The following GABPA variants were observed in gnomAD, a reference collection of about 807,000 sequenced individuals.
GABPA encodes the protein GA-binding protein alpha chain.
Under a neutral mutation model 59.4 loss-of-function variants are expected in GABPA, and 4 were observed. The observed-to-expected ratio is 0.07, with a 90% confidence interval of 0.03 to 0.15. The LOEUF (loss-of-function observed/expected upper bound fraction) is 0.15. Among genes scored for constraint, GABPA ranks in the 10% least tolerant of loss-of-function variants. The probability of loss-of-function intolerance (pLI) is 1.00; values close to 1 mark genes in which losing one functional copy is unlikely to be tolerated. For synonymous variants in GABPA, 164 were observed against 183.1 expected (o/e 0.90, Z 0.84); for missense variants, 251 against 543.8 (o/e 0.46, Z 5.36).
At chr21:25,763,061 C>A in intron 7 of GABPA, 2 of 391,354 alleles carry the variant, frequency 5.1e-6, no homozygotes, top group Non-Finnish European at 9.9e-6. Flanking sequence ...ACTGTACTTG[C>A]TAGAAGTACA....
At chr21:25,745,408 A>AT (rs1342617750) in intron 3 of GABPA, 54 bp downstream of exon 3, 2 of 1,534,628 alleles carry the variant, frequency 1.3e-6, no homozygotes, top group Admixed American at 1.8e-5. Flanking sequence ...GCATAGGAAT[A>AT]TTTTTTGTTA....
chr21:25,738,157 T>C (rs926640046), intron 1 of GABPA, among the ~76,000 whole-genome samples: 4 of 152,344 alleles, frequency 2.6e-5, no homozygotes, highest in Admixed American at 6.5e-5. Flanking sequence ...TCTCCAGAGA[T>C]AGGGGAATCT....
rs376957538 is a variant in GABPA, at chr21:25,771,997, T to C, written c.*2765T>C. On this transcript the variant is annotated 3_prime_UTR_variant, in exon 10 of 10. Transcript: ENST00000400075. ...TTTTCTCCCCTGATTAATGGTGATATTCAAGTATGATACAAAAAGAATTGT... is the reference window on the plus strand; with the variant it reads ...TTTTCTCCCCTGATTAATGGTGATACTCAAGTATGATACAAAAAGAATTGT... The C allele has an allele frequency of 6.6e-6, 1 of 152,110 alleles. No individual in the cohort carries two copies. The allele number at this position is 152,110 out of a possible 1,614,324, so 9.4% of individuals were successfully genotyped here.
intron 7 of GABPA, among the ~76,000 whole-genome samples, chr21:25,762,658 A>G (rs2146094940): frequency 6.6e-6 from 1 of 152,278 alleles, no homozygotes; most frequent in South Asian, 2.1e-4. Flanking sequence ...AACAATTCTA[A>G]CCACATTCAT....
At chr21:25,746,161 G>A (rs1443139086) in intron 3 of GABPA, among the ~76,000 whole-genome samples, 2 of 151,830 alleles carry the variant, frequency 1.3e-5, no homozygotes, top group African/African-American at 2.4e-5. Flanking sequence ...ACTACAGGCC[G>A]ATGCTTCCAC....
rs1601165809 is a variant in GABPA at position 25,771,920 on chromosome 21, A to T, written c.*2688A>T. 6.6e-6 allele frequency: 1 copy of T among 152,064 alleles called. No individual in the cohort carries two copies. The highest frequency in any genetic ancestry group is 1.5e-5 in the Non-Finnish European group (1 of 67,896). 9.4% of individuals were successfully genotyped at this position (152,064 alleles called of 1,614,324 possible). A position where few individuals can be genotyped will look rare whatever the true frequency, so the allele number is the denominator to read the frequency against. ...GGTTGATCTTCAGATAAATTGACTG[A>T]TCACAGTTATTTTTGTATCAGTCTA... On this transcript the variant is annotated 3_prime_UTR_variant, in exon 10 of 10. Transcript: ENST00000400075.
intron 6 of GABPA, among the ~76,000 whole-genome samples, chr21:25,758,954 T>C (rs912574737): frequency 1.3e-5 from 2 of 152,060 alleles, no homozygotes; most frequent in Non-Finnish European, 2.9e-5. Context: ...TCTGTAGTCC[T>C]ACCTACTTGG....
intron 1 of GABPA, among the ~76,000 whole-genome samples, chr21:25,737,859 TTATAA>T (rs1359996701): frequency 6.6e-6 from 1 of 152,244 alleles, no homozygotes; most frequent in Non-Finnish European, 1.5e-5. Context: ...CAACAGTTTT[TTATAA>T]TATATCTATT....
rs151066489 is a variant in GABPA at position 25,758,081 on chromosome 21, G to A, written c.625G>A (p.Asp209Asn). The stretch of plus-strand genomic sequence containing the variant: ...GGTAATGAAGGAATTCAGCATGACC[G>A]ATATAGACCTCACCACACTCAACAT... ...VWVMKEFSMT[D>N]IDLTTLNISG... The change falls in exon 6 of 10, where the codon GAT becomes AAT. Residue 209 changes from aspartate (D) to asparagine (N), a missense_variant. By Grantham distance (23) the Asp-to-Asn change is conservative (BLOSUM62 1). Coordinates refer to ENST00000400075, the MANE Select transcript of GABPA (RefSeq NM_002040.4). 83 of 1,606,930 alleles carry A rather than the reference G, an allele frequency of 5.2e-5. No individual in the cohort carries two copies. The highest frequency in any genetic ancestry group is 6.9e-5 in the Non-Finnish European group (81 of 1,176,906).
intron 3 of GABPA, among the ~76,000 whole-genome samples, chr21:25,747,447 G>A (rs1235431572): frequency 6.6e-6 from 1 of 152,146 alleles, no homozygotes; most frequent in Non-Finnish European, 1.5e-5. Flanking sequence ...AATTCATATT[G>A]TCATAGAATT....
At position 25,735,286 on chromosome 21, in the gene GABPA, G is replaced by A; in HGVS notation, c.-319G>A. The A allele has an allele frequency of 5.2e-6, 2 of 383,366 alleles. No homozygotes were observed. Among genetic ancestry groups the A allele is most frequent in the South Asian group, 3.7e-5 (1 of 26,680 alleles). 23.7% of individuals were successfully genotyped at this position (383,366 alleles called of 1,614,324 possible). On this transcript the variant is annotated 5_prime_UTR_variant, in exon 1 of 10. Coordinates refer to ENST00000400075, the MANE Select transcript of GABPA (RefSeq NM_002040.4). ...GGAAAGTGAGACTGTGTAAAACAAA[G>A]CGGATTGGGGCGTTGTGCTTCCTTG...
At position 25,758,050 on chromosome 21, in the gene GABPA, G is replaced by A. The variant is rs2035678502; in HGVS notation, c.594G>A (p.Val198=). 1.9e-6 allele frequency: 3 copies of A among 1,602,616 alleles called. No homozygotes were observed. The highest frequency in any genetic ancestry group is 2.2e-5 in the East Asian group (1 of 44,620). Residue 198 remains valine (V), a synonymous_variant, in exon 6 of 10, where the codon GTG becomes GTA. Coordinates refer to ENST00000400075, the MANE Select transcript of GABPA (RefSeq NM_002040.4). ...QWSTDQVLHW[V]VWVMKEFSMT... is the part of the protein sequence containing the mutation. ...CCACAGACCAAGTCCTGCATTGGGT[G>A]GTTTGGGTAATGAAGGAATTCAGCA...
chr21:25,746,605 A>T (rs1168865580), intron 3 of GABPA, among the ~76,000 whole-genome samples: 1 of 152,146 alleles, frequency 6.6e-6, no homozygotes, highest in Non-Finnish European at 1.5e-5. Context: ...AAATCTAGTA[A>T]TTGGTGGTGG....
chr21:25,744,806 G>A (rs1187884485), intron 2 of GABPA, among the ~76,000 whole-genome samples: 1 of 151,874 alleles, frequency 6.6e-6, no homozygotes, highest in Non-Finnish European at 1.5e-5. Context: ...TTTATGTGGG[G>A]AAGGGAAATT....
At chr21:25,743,956 A>G (rs531681471) in intron 2 of GABPA, among the ~76,000 whole-genome samples, 2 of 150,484 alleles carry the variant, frequency 1.3e-5, no homozygotes, top group Non-Finnish European at 1.5e-5. Flanking sequence ...AGGCAGGAGA[A>G]TCGCTTGAAC....
chr21:25,748,954 A>T lies in GABPA; in HGVS notation c.223-82A>T. The T allele has an allele frequency of 5.0e-6, 4 of 804,852 alleles. No homozygotes were observed. The East Asian group carries it at 9.8e-5, about 20-fold the overall frequency. 49.9% of individuals were successfully genotyped at this position (804,852 alleles called of 1,614,324 possible). ...TCAGTAATTAAGTTCTGTTTGGTAC[A>T]TCCATTTATTCTAAACCAAAGGCAA... On this transcript the variant is annotated intron_variant, in intron 3 of 9. Transcript: ENST00000400075.
rs757068521 is a variant in GABPA at position 25,758,155 on chromosome 21, G to C, written c.699G>C (p.Arg233=). ...CSLNQEDFFQ[R]VPRGEILWSH... is the part of the protein sequence containing the mutation. ...TCAACCAAGAAGATTTTTTTCAGCG[G>C]GTTCCTCGGGGAGAAATTCTCTGGA... is the stretch of plus-strand genomic sequence containing the variant. The change falls in exon 6 of 10, where the codon CGG becomes CGC. Residue 233 remains arginine (R), a synonymous_variant. Coordinates refer to ENST00000400075, the MANE Select transcript of GABPA (RefSeq NM_002040.4). The C allele has an allele frequency of 5.0e-6, 8 of 1,608,150 alleles. No individual in the cohort carries two copies. In the East Asian group the frequency reaches 1.8e-4, roughly 36 times the overall value.
At chr21:25,745,131 A>G in intron 2 of GABPA, 79 bp from the exon 3 acceptor site, 1 of 1,485,170 alleles carries the variant, frequency 6.7e-7, no homozygotes, top group Non-Finnish European at 9.3e-7. Flanking sequence ...TTGGTTTGGG[A>G]TTGTGTTTTT....
rs557110088 is a variant in GABPA, at chr21:25,748,761, A to G, written c.223-275A>G. ...TCAGAATGAATAATTGCCTTTTGGA[A>G]TTATTTAAAATCCCAAACTAGACTC... On this transcript the variant is annotated intron_variant, in intron 3 of 9. Transcript: ENST00000400075. Among the ~76,000 whole-genome samples, 3 of 152,328 alleles carry G rather than the reference A, an allele frequency of 2.0e-5. No homozygotes were observed. The South Asian group carries it at 6.2e-4, about 32-fold the overall frequency.
Sources: allele counts gnomAD v4.1 joint callset (sites outside exome capture counted in the v4.1 genomes callset), GRCh38; gene constraint gnomAD v4.1.1; transcripts MANE v1.5; gene names NCBI Gene and HGNC (gene_info 2026-07-23, HGNC 2026-07-21).